POLG: variants seen among roughly 807,000 people sequenced by gnomAD.
The protein encoded by POLG is DNA polymerase gamma, catalytic subunit, also known as DNA polymerase subunit gamma-1.
POLG carries 110 observed loss-of-function variants against 155.4 expected under a neutral mutation model. That is an observed-to-expected ratio of 0.71 (90% CI 0.61 to 0.83). The LOEUF (loss-of-function observed/expected upper bound fraction) is 0.83, where lower values mean the gene tolerates loss of function less well. POLG is among the 40% of genes least tolerant of loss of function. The pLI is 0.00. For synonymous variants in POLG, 701 were observed against 631.5 expected, an observed-to-expected ratio of 1.11 and a Z score of -1.65; for missense variants, 1,685 against 1,627.5, an observed-to-expected ratio of 1.04 and a Z score of -0.61.
intron 21 of POLG, 95 bp from the exon 22 acceptor site, chr15:89,317,631 C>T: frequency 8.0e-7 from 1 of 1,245,834 alleles, no homozygotes; most frequent in South Asian, 1.2e-5. Flanking sequence ...TAGAGCAGGG[C>T]TTCCCCTGGA....
intron 2 of POLG, among the ~76,000 whole-genome samples, chr15:89,331,307 A>C (rs943709531): frequency 2.7e-5 from 4 of 149,258 alleles, no homozygotes; most frequent in African/African-American, 7.4e-5. Flanking sequence ...CCACCCCCCC[A>C]CATTTTAATT....
At chr15:89,326,479 T>A in intron 9 of POLG, 133 bp downstream of exon 9, 1 of 981,126 alleles carries the variant, frequency 1.0e-6, no homozygotes, top group Non-Finnish European at 1.6e-6. Flanking sequence ...TGGAAGACAG[T>A]GTGACTGAAT....
chr15:89,325,259 T>TGAGA (rs1394621184), intron 10 of POLG, among the ~76,000 whole-genome samples, 191 bp downstream of exon 10: 5 of 80,476 alleles, frequency 6.2e-5, no homozygotes, highest in South Asian at 3.6e-4. Context: ...AGAGAGAGAG[T>TGAGA]GAGTGAGTGA....
rs1338282623 is a variant in POLG, at chr15:89,333,502, C to T, written c.253G>A (p.Glu85Lys). ...TCCCCTCCTTGCCCGAAGATTTGCTCGTGCAGCCCTCTCGAGAGCATCTGG... is the reference window on the plus strand; with the variant it reads ...TCCCCTCCTTGCCCGAAGATTTGCTTGTGCAGCCCTCTCGAGAGCATCTGG... ...DIQMLSRGLH[E>K]QIFGQGGEMP... Residue 85 changes from glutamate to lysine, a missense_variant, in exon 2 of 23, where the codon GAG (glutamate) becomes AAG (lysine). Around this residue, in one of 3 missense-constraint regions of POLG, gnomAD observed 1,210 missense variants for 1,167.1 expected, o/e 1.04. Transcript: ENST00000268124. 19 of 1,612,796 alleles carry T rather than the reference C, an allele frequency of 1.2e-5. No homozygotes were observed. Among genetic ancestry groups the T allele is most frequent in the Non-Finnish European group, 1.6e-5 (19 of 1,179,692 alleles).
chr15:89,323,725 G>C, intron 12 of POLG, 90 bp downstream of exon 12: 1 of 1,118,258 alleles, frequency 8.9e-7, no homozygotes, highest in Non-Finnish European at 1.4e-6. Context: ...TAAGACCTAG[G>C]GAACTCTGGC....
chr15:89,316,860 C>T (rs2055285266), intron 22 of POLG, 33 bp from the exon 23 acceptor site: 2 of 1,477,452 alleles, frequency 1.4e-6, no homozygotes, highest in African/African-American at 1.4e-5. Context: ...TAGGATGCCA[C>T]CTCAAGAACT....
At position 89,316,800 on chromosome 15, in the gene POLG, A is replaced by C. The variant is rs779072487; in HGVS notation, c.3671T>G (p.Ile1224Ser). The C allele has an allele frequency of 1.2e-6, 2 of 1,613,952 alleles. No individual in the cohort carries two copies. The highest frequency in any genetic ancestry group is 1.7e-6 in the Non-Finnish European group (2 of 1,179,846). ...TTCCAAGGAGCCTTTGGTGAGTTCAATTATCTGGTAAATATCCAGCGCTTC... is the reference window on the plus strand; with the variant it reads ...TTCCAAGGAGCCTTTGGTGAGTTCACTTATCTGGTAAATATCCAGCGCTTC... ...QGEALDIYQIIELTKGSLEKR... is the reference protein window; with the variant it reads ...QGEALDIYQISELTKGSLEKR... Residue 1224 changes from isoleucine to serine, a missense_variant, in exon 23 of 23, where the codon ATT becomes AGT. By Grantham distance (142) the Ile-to-Ser change is moderately radical. Transcript: ENST00000268124.
At chr15:89,329,495 C>A (rs2055567523) in intron 3 of POLG, among the ~76,000 whole-genome samples, 1 of 152,218 alleles carries the variant, frequency 6.6e-6, no homozygotes, top group Non-Finnish European at 1.5e-5. Context: ...AGCATGTCAA[C>A]AAGGCTGTCT....
At chr15:89,320,267 A>G (rs1231906762) in intron 18 of POLG, among the ~76,000 whole-genome samples, 1 of 152,214 alleles carries the variant, frequency 6.6e-6, no homozygotes, top group Non-Finnish European at 1.5e-5. Context: ...GAGTCTGCTA[A>G]GGCCCTGAGC....
rs987786590 is a variant in POLG, at chr15:89,321,334, G to C, written c.2599-74C>G. ...TGGAGCCAGAGTTGACTGAGAAAGA[G>C]CTAGAGCCTTTCCTGAGGGGATGGC... On this transcript the variant is annotated intron_variant, in intron 16 of 22. Transcript: ENST00000268124. The C allele has an allele frequency of 9.8e-5, 151 of 1,543,800 alleles. No homozygotes were observed. In the South Asian group the frequency reaches 1.4e-3, roughly 14 times the overall value.
chr15:89,322,864 C>T lies in POLG; in HGVS notation c.2304G>A (p.Lys768=), dbSNP rs1555453001. The T allele has an allele frequency of 1.9e-6, 3 of 1,613,766 alleles. No homozygotes were observed. The East Asian group carries it at 6.7e-5, about 36-fold the overall frequency. The change falls in exon 14 of 23, where the codon AAG becomes AAA. Residue 768 remains lysine (K), a synonymous_variant. Transcript: ENST00000268124. ...NSCNVGSPFA[K]DFLPKMEDGT... ...CATCCTCCATCTTGGGCAGGAAGTC[C>T]TTGGCAAAGGGGCTTCCCACATTAC...
In POLG at chr15:89,330,566, A is replaced by G. The variant is rs758130; in HGVS notation, c.660-290T>C. 0.37 allele frequency among the ~76,000 whole-genome samples: 55,669 copies of G among 152,024 alleles called. 10,490 individuals carry two copies. The highest frequency in any genetic ancestry group is 0.4 in the Non-Finnish European group (27,057 of 67,972). On this transcript the variant is annotated intron_variant, in intron 2 of 22. Coordinates refer to ENST00000268124, the MANE Select transcript of POLG (RefSeq NM_002693.3). The stretch of plus-strand genomic sequence containing the variant: ...GTATTCTATTACAGCCTGGGCTATC[A>G]AGGTGTTTGCTAGGCCCAGCGTTCA...
chr15:89,321,222 C>T lies in POLG; in HGVS notation c.2637G>A (p.Gln879=), dbSNP rs2152061296. The stretch of plus-strand genomic sequence containing the variant: ...CCACAAGGGTGTAGCCAGGTGGGGC[C>T]TGCACCATGGCTTTCAACTCACTGC... ...RVGSELKAMV[Q]APPGYTLVGA... is the part of the protein sequence containing the mutation. The change falls in exon 17 of 23, where the codon CAG becomes CAA. Residue 879 remains glutamine, a synonymous_variant. Coordinates refer to ENST00000268124, the MANE Select transcript of POLG (RefSeq NM_002693.3). 1 of 1,614,168 alleles carries T rather than the reference C, an allele frequency of 6.2e-7. No individual in the cohort carries two copies. The highest frequency in any genetic ancestry group is 1.3e-5 in the African/African-American group (1 of 75,040).
intron 13 of POLG, among the ~76,000 whole-genome samples, chr15:89,323,134 A>G (rs2152062647): frequency 1.3e-5 from 2 of 152,338 alleles, no homozygotes; most frequent in Admixed American, 1.3e-4. Flanking sequence ...CATAATAACA[A>G]ATCGGAAAAA....
At chr15:89,320,496 C>T (rs1362494369) in intron 18 of POLG, among the ~76,000 whole-genome samples, 1 of 152,184 alleles carries the variant, frequency 6.6e-6, no homozygotes, top group African/African-American at 2.4e-5. Flanking sequence ...GCAGCATAAT[C>T]AGAATTGTCA....
chr15:89,316,888 A>G, intron 22 of POLG, 61 bp from the exon 23 acceptor site: 1 of 1,212,102 alleles, frequency 8.3e-7, no homozygotes, highest in Non-Finnish European at 1.2e-6. Context: ...AGAGCTCAGA[A>G]GTGAGCAAAG....
intron 1 of POLG, 156 bp from the exon 2 acceptor site, chr15:89,334,069 AC>A (rs2055637325): frequency 2.3e-6 from 1 of 432,588 alleles, no homozygotes; most frequent in Admixed American, 4.0e-5. Context: ...AAACGTCAAT[AC>A]CCCTCCTGGG....
rs1279986380 is a variant in POLG, at chr15:89,318,767, G to A, written c.3274-18C>T. The A allele has an allele frequency of 6.2e-7, 1 of 1,610,216 alleles. No homozygotes were observed. Among genetic ancestry groups the A allele is most frequent in the South Asian group, 1.1e-5 (1 of 91,010 alleles). On this transcript the variant is annotated intron_variant, in intron 20 of 22. Coordinates refer to ENST00000268124, the MANE Select transcript of POLG (RefSeq NM_002693.3). The stretch of plus-strand genomic sequence containing the variant: ...GTCATAAACTGGGAAGGGAAGGTGG[G>A]CAGAGGTGAAAGGGGCTATGCTACA...
chr15:89,325,073 T>TGAGTGAGTGAGA (rs1421803903), intron 10 of POLG, among the ~76,000 whole-genome samples: 2 of 74,374 alleles, frequency 2.7e-5, no homozygotes, highest in Admixed American at 1.2e-4. Context: ...AGTGAGTGAG[T>TGAGTGAGTGAGA]GAGTGAGTGA....
Sources: gnomAD v4.1 joint callset for allele counts (sites outside exome capture counted in the v4.1 genomes callset) on GRCh38, gnomAD v4.1.1 for gene constraint, gnomAD v4.1.1 regional missense constraint, MANE v1.5 for transcripts, NCBI Gene and HGNC (gene_info 2026-07-23, HGNC 2026-07-21) for gene names.